The following ATP9B variants were observed in gnomAD, a reference collection of about 807,000 sequenced individuals.
ATP9B encodes probable phospholipid-transporting ATPase IIB.
In ATP9B, 110 loss-of-function variants were observed where a neutral mutation model predicts 146.1. That is an observed-to-expected ratio of 0.75 (90% CI 0.65 to 0.88). ATP9B has a LOEUF of 0.88. ATP9B is among the 40% of genes least tolerant of loss of function. The pLI is 0.00. For missense variants in ATP9B, 1,499 were observed against 1,496.4 expected, an observed-to-expected ratio of 1.00 and a Z score of -0.03; for synonymous variants, 604 against 569.7, an observed-to-expected ratio of 1.06 and a Z score of -0.86.
At chr18:79,159,831 G>T (rs2094851339) in intron 7 of ATP9B, among the ~76,000 whole-genome samples, 1 of 152,138 alleles carries the variant, frequency 6.6e-6, no homozygotes, top group Non-Finnish European at 1.5e-5. Context: ...GTGTTTCTCA[G>T]GATTCTGTCC....
chr18:79,183,170 A>G (rs1268404854), intron 8 of ATP9B, among the ~76,000 whole-genome samples: 1 of 152,216 alleles, frequency 6.6e-6, no homozygotes, highest in East Asian at 1.9e-4. Flanking sequence ...GGAATTGTGT[A>G]TCCTTGCAAG....
At chr18:79,090,431 A>G (rs1276989210) in intron 1 of ATP9B, among the ~76,000 whole-genome samples, 1 of 152,166 alleles carries the variant, frequency 6.6e-6, no homozygotes, top group Non-Finnish European at 1.5e-5. Context: ...CCTTGCCAGC[A>G]TTTGTTACTG....
chr18:79,132,140 TGAG>T (rs1336307751), intron 5 of ATP9B, among the ~76,000 whole-genome samples: 1 of 146,060 alleles, frequency 6.8e-6, no homozygotes, highest in Non-Finnish European at 1.5e-5. Flanking sequence ...CATAAAATGT[TGAG>T]GAAGACCTTC....
At chr18:79,345,914 C>A in intron 23 of ATP9B, 75 bp downstream of exon 23, 2 of 1,511,854 alleles carry the variant, frequency 1.3e-6, no homozygotes, top group Non-Finnish European at 1.8e-6. Context: ...TGCTGGGCCA[C>A]TGTACACTCA....
chr18:79,203,253 G>A (rs1407706599), intron 9 of ATP9B, among the ~76,000 whole-genome samples: 1 of 150,780 alleles, frequency 6.6e-6, no homozygotes, highest in African/African-American at 2.4e-5. Flanking sequence ...ATGAGCGATA[G>A]AGGCAGGAAG....
chr18:79,071,558 A>T (rs981109087), intron 1 of ATP9B, among the ~76,000 whole-genome samples: 26 of 151,796 alleles, frequency 1.7e-4, no homozygotes, highest in East Asian at 3.9e-4. Context: ...ATTAAAAAAA[A>T]TTTTTTTTGA....
chr18:79,200,245 C>T (rs575608669), intron 9 of ATP9B, among the ~76,000 whole-genome samples: 1 of 152,258 alleles, frequency 6.6e-6, no homozygotes, highest in East Asian at 1.9e-4. Context: ...GATGGGGCTA[C>T]TGTGGTTTGT....
intron 2 of ATP9B, among the ~76,000 whole-genome samples, chr18:79,100,197 T>C (rs111976569): frequency 0.01 from 1,593 of 152,332 alleles, 16 homozygotes; most frequent in Non-Finnish European, 0.016. Context: ...TATAGACAAC[T>C]TGTAGCAAAT....
chr18:79,187,583 G>A (rs952164834), intron 8 of ATP9B, among the ~76,000 whole-genome samples: 6 of 152,182 alleles, frequency 3.9e-5, no homozygotes, highest in Admixed American at 1.3e-4. Flanking sequence ...ATGGAAGGTG[G>A]TCTCTGCCGA....
At chr18:79,250,367 T>C (rs1164801165) in intron 11 of ATP9B, among the ~76,000 whole-genome samples, 1 of 152,228 alleles carries the variant, frequency 6.6e-6, no homozygotes, top group Non-Finnish European at 1.5e-5. Context: ...CCTTTCACTT[T>C]TTAATGGGAT....
intron 7 of ATP9B, among the ~76,000 whole-genome samples, chr18:79,155,753 CTTTTTTTTTTTTT>C (rs56002235): frequency 1.4e-5 from 1 of 74,048 alleles, no homozygotes; most frequent in Non-Finnish European, 2.3e-5. Context: ...TGTTTTCTCT[CTTTTTTTTTTTTT>C]TTTTTTTTTT....
intron 12 of ATP9B, among the ~76,000 whole-genome samples, chr18:79,269,273 G>A (rs1302094676): frequency 2.0e-5 from 3 of 152,266 alleles, no homozygotes; most frequent in East Asian, 1.9e-4. Flanking sequence ...CGCTGCTCTC[G>A]CTGCTGCACT....
intron 15 of ATP9B, among the ~76,000 whole-genome samples, chr18:79,324,656 C>T (rs1159687283): frequency 6.6e-6 from 1 of 151,868 alleles, no homozygotes; most frequent in African/African-American, 2.4e-5. Context: ...CAACAAATTG[C>T]ACTGGCCCTT....
At chr18:79,321,324 T>C (rs2096714682) in intron 15 of ATP9B, among the ~76,000 whole-genome samples, 1 of 152,218 alleles carries the variant, frequency 6.6e-6, no homozygotes, top group Non-Finnish European at 1.5e-5. Context: ...GGAGCAAAGA[T>C]GCTAAAAGTA....
intron 7 of ATP9B, among the ~76,000 whole-genome samples, chr18:79,164,627 G>A (rs1291825484): frequency 2.0e-5 from 3 of 152,162 alleles, no homozygotes; most frequent in Non-Finnish European, 4.4e-5. Flanking sequence ...GCTGCGGCAG[G>A]AGAATGGTGT....
intron 15 of ATP9B, among the ~76,000 whole-genome samples, chr18:79,324,205 A>G (rs1352514602): frequency 6.6e-6 from 1 of 151,874 alleles, no homozygotes; most frequent in African/African-American, 2.4e-5. Flanking sequence ...TCTGCTTATT[A>G]ATCTCTTCTC....
In ATP9B at chr18:79,347,787, G is replaced by C. The variant is rs367658343; in HGVS notation, c.2700G>C (p.Ser900=). Residue 900 remains serine, a synonymous_variant, in exon 24 of 30, where the codon TCG becomes TCC. Transcript: ENST00000426216. The part of the protein sequence containing the change: ...GIEGKEGKQA[S]LAADFSITQF... ...TCTCTCAGGAGGGTAAACAGGCCTC[G>C]CTGGCGGCCGACTTCTCCATCACGC... is the stretch of plus-strand genomic sequence containing the variant. The C allele has an allele frequency of 3.2e-6, 5 of 1,586,322 alleles. No homozygotes were observed. Among genetic ancestry groups the C allele is most frequent in the Non-Finnish European group, 4.3e-6 (5 of 1,164,548 alleles).
chr18:79,258,101 G>T (rs139402357), intron 12 of ATP9B, among the ~76,000 whole-genome samples: 1 of 152,192 alleles, frequency 6.6e-6, no homozygotes, highest in South Asian at 2.1e-4. Context: ...ATGAAAATTA[G>T]TTTACGCAAT....
intron 11 of ATP9B, among the ~76,000 whole-genome samples, chr18:79,245,111 G>A (rs1185261197): frequency 6.6e-6 from 1 of 152,182 alleles, no homozygotes. Context: ...TGGAGTTCCT[G>A]CAGAGCTTGC....
Sources: allele counts gnomAD v4.1 joint callset (sites outside exome capture counted in the v4.1 genomes callset), GRCh38; gene constraint gnomAD v4.1.1; transcripts MANE v1.5; gene names NCBI Gene and HGNC (gene_info 2026-07-23, HGNC 2026-07-21).